CANX: variants seen among roughly 807,000 people sequenced by gnomAD.
CANX encodes calnexin.
CANX carries 14 observed loss-of-function variants against 75.7 expected under a neutral mutation model. That is an observed-to-expected ratio of 0.19 (90% CI 0.12 to 0.29). The LOEUF (loss-of-function observed/expected upper bound fraction) is 0.29. Among genes scored for constraint, CANX ranks in the 10% least tolerant of loss-of-function variants. The pLI is 1.00. For synonymous variants in CANX, 227 were observed against 236.9 expected, an observed-to-expected ratio of 0.96 and a Z score of 0.38; for missense variants, 567 against 713.2, an observed-to-expected ratio of 0.79 and a Z score of 2.34.
intron 1 of CANX, chr5:179,700,427 C>T (rs371033447): frequency 1.3e-5 from 2 of 152,068 alleles, no homozygotes; most frequent in Non-Finnish European, 2.9e-5. Context: ...GAAGCAACTG[C>T]CATATGGATC....
At chr5:179,727,306 G>A (rs1015760692) in intron 14 of CANX, among the ~76,000 whole-genome samples, 3 of 152,188 alleles carry the variant, frequency 2.0e-5, no homozygotes, top group Admixed American at 6.5e-5. Flanking sequence ...ACAACACAGC[G>A]TATTAGGAAG....
rs926708777 is a variant in CANX at position 179,729,762 on chromosome 5, T to C, written c.*1118T>C. The C allele has an allele frequency of 6.5e-6, 1 of 152,674 alleles. No homozygotes were observed. The highest frequency in any genetic ancestry group is 1.5e-5 in the Non-Finnish European group (1 of 68,048). The allele number at this position is 152,674 out of a possible 1,614,324, so 9.5% of individuals were successfully genotyped here. A position where few individuals can be genotyped will look rare whatever the true frequency, so the allele number is the denominator to read the frequency against. ...ATACTTTGATTTTTATCCATTTCTT[T>C]TACTCTGTGTAAAGACTTGAGAAGT... On this transcript the variant is annotated 3_prime_UTR_variant, in exon 15 of 15. Coordinates refer to ENST00000247461, the MANE Select transcript of CANX (RefSeq NM_001746.4).
intron 1 of CANX, among the ~76,000 whole-genome samples, chr5:179,684,196 G>T (rs1776140665): frequency 6.6e-6 from 1 of 151,988 alleles, no homozygotes; most frequent in East Asian, 1.9e-4. Context: ...TCTGTATCCT[G>T]GCCAACACTT....
chr5:179,697,951 C>CTTG (rs1048412514), upstream of CANX, among the ~76,000 whole-genome samples: 8 of 152,044 alleles, frequency 5.3e-5, no homozygotes, highest in African/African-American at 1.9e-4. Context: ...CATGCAAACA[C>CTTG]CAAACCCTGC....
upstream of CANX, among the ~76,000 whole-genome samples, chr5:179,695,553 T>A (rs962423956): frequency 1.3e-5 from 2 of 151,960 alleles, no homozygotes; most frequent in African/African-American, 4.8e-5. Context: ...GGTCTCGAAC[T>A]CCTGACCTCA....
Position 179,706,321 on chromosome 5 carries a change from A to G in CANX, c.235A>G (p.Thr79Ala). 1 of 1,571,416 alleles carries G rather than the reference A, an allele frequency of 6.4e-7. No homozygotes were observed. The highest frequency in any genetic ancestry group is 8.8e-7 in the Non-Finnish European group (1 of 1,142,608). The change falls in exon 3 of 15, where the codon ACT (threonine) becomes GCT (alanine). Residue 79 changes from threonine to alanine, a missense_variant. Thr to Ala is a moderately conservative substitution (Grantham distance 58). Transcript: ENST00000247461. ...VYFADSFDRG[T>A]LSGWILSKAK... The stretch of plus-strand genomic sequence containing the variant: ...TTTTGCTGATTCTTTTGACAGAGGA[A>G]CTCTGTCAGGGTAAGTGTTTTCCAG...
intron 13 of CANX, among the ~76,000 whole-genome samples, chr5:179,725,537 G>A (rs974786851): frequency 3.3e-5 from 5 of 150,580 alleles, no homozygotes; most frequent in African/African-American, 9.8e-5. Context: ...AAAATTAGCC[G>A]GGCATGGTGG....
intron 3 of CANX, 101 bp downstream of exon 3, chr5:179,706,432 A>C: frequency 1.7e-6 from 1 of 579,552 alleles, no homozygotes; most frequent in Non-Finnish European, 3.0e-6. Context: ...GAAATGTCTA[A>C]CTTTATTTTA....
chr5:179,723,698 G>A lies in CANX; in HGVS notation c.1437G>A (p.Glu479=), dbSNP rs1158304944. ...GGCAGATGATCGAGGCAGCTGAAGA[G>A]CGCCCGTGGCTGTGGGTAGTCTATA... ...VVGQMIEAAE[E]RPWLWVVYIL... The change falls in exon 12 of 15, where the codon GAG becomes GAA. Residue 479 remains glutamate (E), a synonymous_variant. Coordinates refer to ENST00000247461, the MANE Select transcript of CANX (RefSeq NM_001746.4). 1.2e-6 allele frequency: 2 copies of A among 1,613,840 alleles called. No individual in the cohort carries two copies. The highest frequency in any genetic ancestry group is 2.7e-5 in the African/African-American group (2 of 74,892).
In CANX at chr5:179,688,821, C is replaced by T. The variant is rs1031249155; in HGVS notation, c.-4+10044C>T. On this transcript the variant is annotated intron_variant, in intron 1 of 14. Transcript: ENST00000681674. ...CATGGTGAAACCCCTACTAAAAATA[C>T]GAAAATTAGCCAGAGTGCTCCAGGG... Among the ~76,000 whole-genome samples, 8 of 148,910 alleles carry T rather than the reference C, an allele frequency of 5.4e-5. No individual in the cohort carries two copies. The East Asian group carries it at 6.1e-4, about 11-fold the overall frequency.
At chr5:179,713,669 C>T (rs564342882) in intron 7 of CANX, among the ~76,000 whole-genome samples, 6 of 152,220 alleles carry the variant, frequency 3.9e-5, no homozygotes, top group South Asian at 2.1e-4. Context: ...ATAATCCCTG[C>T]GCTTTTGGGA....
At chr5:179,691,221 C>T (rs1339581641) in intron 1 of CANX, among the ~76,000 whole-genome samples, 16 of 152,008 alleles carry the variant, frequency 1.1e-4, no homozygotes, top group Admixed American at 9.2e-4. Flanking sequence ...GATGGGGTTT[C>T]GCCTCGTTGG....
At chr5:179,720,316 G>A in intron 9 of CANX, 88 bp from the exon 10 acceptor site, 1 of 906,444 alleles carries the variant, frequency 1.1e-6, no homozygotes, top group Non-Finnish European at 1.7e-6. Context: ...AAACATTTCA[G>A]CAGGATCTTG....
chr5:179,729,708 T>C lies in CANX; in HGVS notation c.*1064T>C, dbSNP rs1483023068. Reference sequence around the variant, plus strand: ...ACCTTTCCAGGGTCAAAGTACAGAATAGAATACATTGATACAAAGTACAGA... The same window carrying C: ...ACCTTTCCAGGGTCAAAGTACAGAACAGAATACATTGATACAAAGTACAGA... On this transcript the variant is annotated 3_prime_UTR_variant, in exon 15 of 15. Coordinates refer to ENST00000247461, the MANE Select transcript of CANX (RefSeq NM_001746.4). 6.5e-6 allele frequency: 1 copy of C among 152,682 alleles called. No homozygotes were observed. Among genetic ancestry groups the C allele is most frequent in the Admixed American group, 6.5e-5 (1 of 15,280 alleles). The allele number at this position is 152,682 out of a possible 1,614,324, so 9.5% of individuals were successfully genotyped here. A position where few individuals can be genotyped will look rare whatever the true frequency, so the allele number is the denominator to read the frequency against.
intron 4 of CANX, 36 bp downstream of exon 4, chr5:179,707,226 T>C (rs778235070): frequency 6.2e-6 from 7 of 1,126,996 alleles, no homozygotes; most frequent in Non-Finnish European, 9.5e-6. Context: ...TAATAGCAGA[T>C]AGAGGTTTGA....
At chr5:179,726,106 T>C (rs1034901836) in intron 13 of CANX, among the ~76,000 whole-genome samples, 5 of 148,874 alleles carry the variant, frequency 3.4e-5, no homozygotes, top group African/African-American at 1.2e-4. Context: ...CTCGCCAACA[T>C]GGTGAAACCC....
chr5:179,715,853 G>T, intron 7 of CANX: 5 of 506,208 alleles, frequency 9.9e-6, no homozygotes, highest in Middle Eastern at 3.0e-4. Context: ...TATAAGTCAA[G>T]TCTTTGGTGT....
In CANX at chr5:179,731,231, C is replaced by T. The variant is rs114544285; in HGVS notation, c.*2587C>T. ...AATTTGTAGATAATATTCTTTAAGA[C>T]TTAGGGGAACCATTGAACTTTGAAA... On this transcript the variant is annotated 3_prime_UTR_variant, in exon 15 of 15. Transcript: ENST00000247461. Among the ~76,000 whole-genome samples the T allele has an allele frequency of 6.2e-3, 945 of 152,222 alleles. 10 individuals are homozygous for T. The highest frequency in any genetic ancestry group is 0.021 in the African/African-American group (878 of 41,532).
At chr5:179,728,495 A>G in intron 14 of CANX, 96 bp from the exon 15 acceptor site, 1 of 726,998 alleles carries the variant, frequency 1.4e-6, no homozygotes, top group South Asian at 1.6e-5. Flanking sequence ...TTTTCCTCAA[A>G]TAAGTTACCC....
Sources: gnomAD v4.1 joint callset for allele counts (sites outside exome capture counted in the v4.1 genomes callset) on GRCh38, gnomAD v4.1.1 for gene constraint, MANE v1.5 for transcripts, NCBI Gene and HGNC (gene_info 2026-07-23, HGNC 2026-07-21) for gene names.